The following KCNH1 variants were observed in gnomAD, a reference collection of about 807,000 sequenced individuals.
KCNH1 encodes voltage-gated delayed rectifier potassium channel KCNH1.
In KCNH1, 27 loss-of-function variants were observed where a neutral mutation model predicts 69.2. The ratio of observed to expected loss-of-function variants is 0.39; its 90% CI spans 0.29 to 0.54. The LOEUF is 0.54. KCNH1 is among the 20% of genes least tolerant of loss of function. KCNH1 has a pLI of 0.68. For synonymous variants in KCNH1, 456 were observed against 487.7 expected (o/e 0.93, Z 0.86); for missense variants, 798 against 1,261.6 (o/e 0.63, Z 5.57).
At chr1:211,117,336 C>G (rs182896993) in intron 1 of KCNH1, among the ~76,000 whole-genome samples, 1 of 152,088 alleles carries the variant, frequency 6.6e-6, no homozygotes, top group Admixed American at 6.5e-5. Flanking sequence ...GCTCTCTCCC[C>G]CTTGCATCTG....
chr1:210,752,162 C>T (rs1683297250), intron 10 of KCNH1, among the ~76,000 whole-genome samples: 1 of 152,154 alleles, frequency 6.6e-6, no homozygotes, highest in South Asian at 2.1e-4. Context: ...TATAGAAGAT[C>T]CCTGGGTCTG....
chr1:210,859,873 G>T (rs553132378), intron 7 of KCNH1: 2 of 1,225,464 alleles, frequency 1.6e-6, no homozygotes, highest in African/African-American at 1.5e-5. Context: ...GGGAAGTGAA[G>T]ATTTTCTAAG....
At chr1:210,864,702 GAC>G (rs1469033706) in intron 7 of KCNH1, among the ~76,000 whole-genome samples, 1 of 152,184 alleles carries the variant, frequency 6.6e-6, no homozygotes, top group Non-Finnish European at 1.5e-5. Context: ...AGCAGTGTAA[GAC>G]AACTAGCATT....
chr1:210,733,066 C>A (rs943234676), intron 10 of KCNH1, among the ~76,000 whole-genome samples: 2 of 152,304 alleles, frequency 1.3e-5, no homozygotes, highest in East Asian at 3.9e-4. Context: ...CCCCTTTCTC[C>A]TTGCTTTTGG....
intron 10 of KCNH1, among the ~76,000 whole-genome samples, chr1:210,745,540 G>C (rs1338803363): frequency 6.6e-6 from 1 of 152,142 alleles, no homozygotes; most frequent in Admixed American, 6.5e-5. Flanking sequence ...CCATTTATCT[G>C]GTATAAAATG....
intron 7 of KCNH1, among the ~76,000 whole-genome samples, chr1:210,828,986 A>C (rs560228157): frequency 6.6e-6 from 1 of 152,360 alleles, no homozygotes; most frequent in South Asian, 2.1e-4. Context: ...CAAGTTGAGA[A>C]GGCAGGAAAG....
intron 10 of KCNH1, among the ~76,000 whole-genome samples, chr1:210,700,929 T>TTATA (rs543673234): frequency 1.3e-5 from 2 of 151,884 alleles, no homozygotes; most frequent in Non-Finnish European, 2.9e-5. Context: ...TTTAGTTTCT[T>TTATA]TTTATTTATT....
intron 5 of KCNH1, among the ~76,000 whole-genome samples, chr1:211,044,968 A>C (rs1456011486): frequency 6.7e-6 from 1 of 148,612 alleles, no homozygotes; most frequent in Non-Finnish European, 1.5e-5. Context: ...TATTTATAGC[A>C]GCACAGTTCG....
At chr1:210,736,469 C>T (rs895976817) in intron 10 of KCNH1, among the ~76,000 whole-genome samples, 1 of 151,996 alleles carries the variant, frequency 6.6e-6, no homozygotes, top group Admixed American at 6.6e-5. Context: ...ATCGCTTGAA[C>T]CCTGGAGGCA....
intron 7 of KCNH1, among the ~76,000 whole-genome samples, chr1:210,807,509 G>A (rs993626120): frequency 1.1e-4 from 16 of 152,174 alleles, no homozygotes; most frequent in Non-Finnish European, 2.2e-4. Context: ...CAACTTGGAA[G>A]GCTAAGGCAC....
chr1:211,087,089 A>AAGTGTGGCCTGCG (rs1690965394), intron 4 of KCNH1, among the ~76,000 whole-genome samples: 1 of 151,900 alleles, frequency 6.6e-6, no homozygotes, highest in Non-Finnish European at 1.5e-5. Flanking sequence ...TGGGGCCTGC[A>AAGTGTGGCCTGCG]ACTTGTGTCT....
chr1:210,972,657 T>C (rs909293606), intron 6 of KCNH1, among the ~76,000 whole-genome samples: 11 of 152,116 alleles, frequency 7.2e-5, no homozygotes, highest in Non-Finnish European at 1.6e-4. Flanking sequence ...AGGGCAACAG[T>C]CATTTCAGTG....
intron 10 of KCNH1, among the ~76,000 whole-genome samples, chr1:210,721,081 G>GA (rs569743753): frequency 6.6e-5 from 10 of 152,188 alleles, no homozygotes; most frequent in Non-Finnish European, 1.3e-4. Flanking sequence ...GAGAGTAGAG[G>GA]AAAGTCCCAT....
chr1:210,722,596 T>C (rs1682497133), intron 10 of KCNH1, among the ~76,000 whole-genome samples: 1 of 152,188 alleles, frequency 6.6e-6, no homozygotes, highest in Non-Finnish European at 1.5e-5. Context: ...CCCATGTTCA[T>C]TGCTGTTATC....
intron 10 of KCNH1, among the ~76,000 whole-genome samples, chr1:210,768,457 T>C (rs1683684193): frequency 6.6e-6 from 1 of 152,192 alleles, no homozygotes; most frequent in Non-Finnish European, 1.5e-5. Context: ...ATGGCTCCTA[T>C]TCTTCTTTGC....
intron 7 of KCNH1, among the ~76,000 whole-genome samples, chr1:210,844,347 G>T (rs556534491): frequency 2.6e-5 from 4 of 152,014 alleles, no homozygotes; most frequent in Non-Finnish European, 4.4e-5. Flanking sequence ...ATGGGGAAAT[G>T]CTGTCTCTAC....
At chr1:210,898,356 C>T (rs1327310381) in intron 7 of KCNH1, among the ~76,000 whole-genome samples, 1 of 152,112 alleles carries the variant, frequency 6.6e-6, no homozygotes, top group East Asian at 1.9e-4. Context: ...ATTTATAAAC[C>T]TCAGCCCCAC....
Position 210,988,618 on chromosome 1 carries a change from C to T in KCNH1, c.1032+30165G>A, listed in dbSNP as rs566175258. On this transcript the variant is annotated intron_variant, in intron 6 of 10. Transcript: ENST00000271751. ...AGAAGCAACATATTTGAAAGTATTG[C>T]CCCAAGACCTAATAAATGACCATGA... Among the ~76,000 whole-genome samples the T allele has an allele frequency of 3.9e-5, 6 of 152,280 alleles. No homozygotes were observed. The East Asian group carries it at 9.7e-4, about 24-fold the overall frequency.
At chr1:210,952,300 A>G (rs1688078987) in intron 6 of KCNH1, among the ~76,000 whole-genome samples, 1 of 151,990 alleles carries the variant, frequency 6.6e-6, no homozygotes, top group African/African-American at 2.4e-5. Flanking sequence ...TCAAATATAC[A>G]CCATATCTTT....
Sources: gnomAD v4.1 joint callset for allele counts (sites outside exome capture counted in the v4.1 genomes callset) on GRCh38, gnomAD v4.1.1 for gene constraint, MANE v1.5 for transcripts, NCBI Gene and HGNC (gene_info 2026-07-23, HGNC 2026-07-21) for gene names.